FBN3: variants seen among roughly 807,000 people sequenced by gnomAD.
FBN3 encodes fibrillin-3.
FBN3 carries 234 observed loss-of-function variants against 330.1 expected under a neutral mutation model. The ratio of observed to expected loss-of-function variants is 0.71; its 90% confidence interval spans 0.64 to 0.79. The LOEUF (loss-of-function observed/expected upper bound fraction) is 0.79. FBN3 is among the 30% of genes least tolerant of loss of function. The pLI, the probability that FBN3 is intolerant of heterozygous loss-of-function variation, is 0.00. For synonymous variants in FBN3, 1,458 were observed against 1,517.3 expected (o/e 0.96, Z 0.91); for missense variants, 3,606 against 3,886.9 (o/e 0.93, Z 1.92).
chr19:8,090,371 C>A, intron 48 of FBN3, 120 bp from the exon 49 acceptor site: 1 of 1,083,338 alleles, frequency 9.2e-7, no homozygotes, highest in South Asian at 1.5e-5. Context: ...AGTGGCCAAT[C>A]AGAACATGCC....
At chr19:8,095,821 C>T (rs1191124548) in intron 45 of FBN3, 143 bp downstream of exon 45, 3 of 599,560 alleles carry the variant, frequency 5.0e-6, no homozygotes, top group African/African-American at 3.7e-5. Context: ...TTTATTTGAC[C>T]TATGGATTAT....
At chr19:8,147,255 G>C (rs1198837676) in intron 2 of FBN3, 59 bp downstream of exon 2, 15 of 1,562,002 alleles carry the variant, frequency 9.6e-6, no homozygotes, top group Non-Finnish European at 1.1e-5. Flanking sequence ...TATTCCGCTG[G>C]CCCCAGGACA....
chr19:8,103,574 T>G lies in FBN3; in HGVS notation c.4927A>C (p.Asn1643His), dbSNP rs1351199395. Residue 1643 changes from asparagine to histidine, a missense_variant, in exon 39 of 64, where the codon AAC (asparagine) becomes CAC (histidine). By Grantham distance (68) the Asn-to-His change is moderately conservative (BLOSUM62 1). Transcript: ENST00000600128. ...PAEYLQVNGG[N>H]NCMDMRKSVC... ...TCACGCTTCTTACCCATGCAGTTGT[T>G]GCCACCATTGACTTGGAGGTACTCT... The G allele has an allele frequency of 2.5e-6, 4 of 1,613,400 alleles. No individual in the cohort carries two copies. Among genetic ancestry groups the G allele is most frequent in the Non-Finnish European group, 2.5e-6 (3 of 1,179,666 alleles).
rs144400071 is a variant in FBN3, at chr19:8,087,133, G to A, written c.6698C>T (p.Ala2233Val). 238 of 1,610,982 alleles carry A rather than the reference G, an allele frequency of 1.5e-4. No individual in the cohort carries two copies. The highest frequency in any genetic ancestry group is 1.6e-4 in the Non-Finnish European group (190 of 1,179,548). Reference protein sequence around the residue: ...MECKNLIGTFACVCPPGMRPL... With the variant: ...MECKNLIGTFVCVCPPGMRPL... Reference sequence around the variant, plus strand: ...CCGCATGCCTGGGGGACAGACGCACGCGAAGGTACCGATGAGGTTCTTGCA... The same window carrying A: ...CCGCATGCCTGGGGGACAGACGCACACGAAGGTACCGATGAGGTTCTTGCA... Residue 2233 changes from alanine (A) to valine (V), a missense_variant, in exon 54 of 64, where the codon GCG (alanine) becomes GTG (valine). Physicochemically the swap from Ala to Val is moderately conservative, Grantham distance 64. Coordinates refer to ENST00000600128, the MANE Select transcript of FBN3 (RefSeq NM_032447.5).
In FBN3 at chr19:8,096,778, T is replaced by A; in HGVS notation, c.5413+103A>T. The A allele has an allele frequency of 7.9e-7, 1 of 1,268,732 alleles. No homozygotes were observed. 78.6% of individuals were successfully genotyped at this position (1,268,732 alleles called of 1,614,324 possible). Reference sequence around the variant, plus strand: ...CTCAATACATCCCCCACCCCCCTAATAGTATAGAAAAGGAGAAAGACCTGG... The same window carrying A: ...CTCAATACATCCCCCACCCCCCTAAAAGTATAGAAAAGGAGAAAGACCTGG... On this transcript the variant is annotated intron_variant, in intron 43 of 63. Transcript: ENST00000600128. This position sits in a 1 kb window ranked among gnomAD's most constrained non-coding sequence, Gnocchi z 4.6.
Position 8,129,047 on chromosome 19 carries a change from C to T in FBN3, c.2277G>A (p.Gln759=). 1 of 1,613,356 alleles carries T rather than the reference C, an allele frequency of 6.2e-7. No homozygotes were observed. Among genetic ancestry groups the T allele is most frequent in the Admixed American group, 1.7e-5 (1 of 59,934 alleles). ...CAGTACCTTTGCAGATCTCCGTGTCCTGCCAGAAGTGGAAGCCGGGGGGGC... is the reference window on the plus strand; with the variant it reads ...CAGTACCTTTGCAGATCTCCGTGTCTTGCCAGAAGTGGAAGCCGGGGGGGC... ...CSCPPGFHFW[Q]DTEICKDVDE... The change falls in exon 18 of 64, where the codon CAG becomes CAA. Residue 759 remains glutamine (Q), a synonymous_variant. Coordinates refer to ENST00000600128, the MANE Select transcript of FBN3 (RefSeq NM_032447.5). The surrounding 1 kb of genome is among the most constrained non-coding windows in gnomAD (Gnocchi z 4.5).
Position 8,146,184 on chromosome 19 carries a change from G to A in FBN3, c.292C>T (p.Pro98Ser), listed in dbSNP as rs1380681657. The A allele has an allele frequency of 1.9e-6, 3 of 1,602,590 alleles. No individual in the cohort carries two copies. The highest frequency in any genetic ancestry group is 3.5e-5 in the Admixed American group (2 of 57,932). ...RACGEGFCSQ[P>S]NLCTCADGTL... The stretch of plus-strand genomic sequence containing the variant: ...CCATCCGCACAGGTGCACAGGTTGG[G>A]CTGGGAGCAGAAGCCTTCACCGCAG... The change falls in exon 4 of 64, where the codon CCC (proline) becomes TCC (serine). Residue 98 changes from proline (P) to serine (S), a missense_variant. Physicochemically the swap from Pro to Ser is moderately conservative, Grantham distance 74. Transcript: ENST00000600128.
Position 8,078,791 on chromosome 19 carries a change from C to CTT in FBN3, c.7453+2210_7453+2211dup, listed in dbSNP as rs1555725584. On this transcript the variant is annotated intron_variant, in intron 59 of 63. Transcript: ENST00000600128. ...TTGTTCAAATGTTCTCTCTCTCTCT[C>CTT]TTTTTTTTTTTTTTGAGTCTTGCTC... Among the ~76,000 whole-genome samples, 200 of 141,344 alleles carry CTT rather than the reference C, an allele frequency of 1.4e-3. 1 individual carries two copies. Among genetic ancestry groups the CTT allele is most frequent in the African/African-American group, 4.9e-3 (188 of 38,066 alleles). 92.7% of individuals were successfully genotyped at this position (141,344 alleles called of 152,430 possible).
chr19:8,125,960 GT>G lies in FBN3; in HGVS notation c.2662del (p.Thr888LeufsTer13). 1 of 1,613,964 alleles carries G rather than the reference GT, an allele frequency of 6.2e-7. No individual in the cohort carries two copies. Among genetic ancestry groups the G allele is most frequent in the Non-Finnish European group, 8.5e-7 (1 of 1,180,012 alleles). On this transcript the variant is annotated frameshift_variant, in exon 22 of 64. Coordinates refer to ENST00000600128, the MANE Select transcript of FBN3 (RefSeq NM_032447.5). LOFTEE classifies it high-confidence loss of function. ...ACACTCACAGCGGAAAGACCCAGCA[GT>G]GTTGACGCAACGCCCGTTGGGACAG... ...GVCPNGRCVN[T>X]AGSFRCECPE...
At chr19:8,102,954 C>T in intron 39 of FBN3, 81 bp from the exon 40 acceptor site, 1 of 1,367,740 alleles carries the variant, frequency 7.3e-7, no homozygotes, top group Non-Finnish European at 1.0e-6. Context: ...ATAGGAACTC[C>T]TTAACTGATT....
chr19:8,137,306 T>G (rs1322023101), intron 10 of FBN3, among the ~76,000 whole-genome samples: 1 of 143,812 alleles, frequency 7.0e-6, no homozygotes, highest in Non-Finnish European at 1.5e-5. Flanking sequence ...GGGCCCTAGA[T>G]CCCTCCAACC....
Position 8,087,002 on chromosome 19 carries a change from G to A in FBN3, c.6754+75C>T, listed in dbSNP as rs556793887. On this transcript the variant is annotated intron_variant, in intron 54 of 63. Transcript: ENST00000600128. ...ATGACAGGTATGAGTCACCGTGCCC[G>A]GTCCAACCCTCTTGCTTTGACCTCT... is the stretch of plus-strand genomic sequence containing the variant. 672 of 1,525,534 alleles carry A rather than the reference G, an allele frequency of 4.4e-4. 10 individuals carry two copies. In the South Asian group the frequency reaches 5.7e-3, roughly 13 times the overall value. 94.5% of individuals were successfully genotyped at this position (1,525,534 alleles called of 1,614,324 possible).
At position 8,129,440 on chromosome 19, in the gene FBN3, C is replaced by G. The variant is rs758313157; in HGVS notation, c.2045-75G>C. 6.4e-7 allele frequency: 1 copy of G among 1,572,298 alleles called. No homozygotes were observed. The highest frequency in any genetic ancestry group is 1.3e-5 in the African/African-American group (1 of 74,454). Reference sequence around the variant, plus strand: ...GAGGCAGGAGGAGGGTGTGTCGCGGCGCACCAGGGGTCTCTAGAAGTCAGA... The same window carrying G: ...GAGGCAGGAGGAGGGTGTGTCGCGGGGCACCAGGGGTCTCTAGAAGTCAGA... On this transcript the variant is annotated intron_variant, in intron 16 of 63. Transcript: ENST00000600128. This position sits in a 1 kb window ranked among gnomAD's most constrained non-coding sequence, Gnocchi z 4.5.
intron 51 of FBN3, among the ~76,000 whole-genome samples, chr19:8,088,721 G>A (rs956852377): frequency 6.6e-6 from 1 of 152,186 alleles, no homozygotes; most frequent in Non-Finnish European, 1.5e-5. Flanking sequence ...GTGAAAGCAT[G>A]AATGAATGAG....
rs566350920 is a variant in FBN3 at position 8,108,295 on chromosome 19, A to G, written c.4619-57T>C. ...GGTATTGGGGCAAAGCTTAGGGGAA[A>G]CAGGGGAGCAACAGCAGGAAGCCTG... On this transcript the variant is annotated intron_variant, in intron 36 of 63. Coordinates refer to ENST00000600128, the MANE Select transcript of FBN3 (RefSeq NM_032447.5). 1.1e-5 allele frequency: 16 copies of G among 1,403,358 alleles called. No individual in the cohort carries two copies. The East Asian group carries it at 3.3e-4, about 29-fold the overall frequency. 86.9% of individuals were successfully genotyped at this position (1,403,358 alleles called of 1,614,324 possible). A position where few individuals can be genotyped will look rare whatever the true frequency, so the allele number is the denominator to read the frequency against.
intron 34 of FBN3, among the ~76,000 whole-genome samples, chr19:8,110,619 C>A (rs192209926): frequency 5.3e-5 from 8 of 152,318 alleles, no homozygotes; most frequent in Non-Finnish European, 4.4e-5. Context: ...GTAGGAGACC[C>A]TTTCAGCAGC....
In FBN3 at chr19:8,102,763, A is replaced by G. The variant is rs773282413; in HGVS notation, c.5050T>C (p.Trp1684Arg). ...GGGCAGGCCTCACAGGGTCTATTCC[A>G]GGCCTGGCCAATGTTGTAGGAGCAG... ...CCCSYNIGQA[W>R]NRPCEACPTP... is the part of the protein sequence containing the mutation. The change falls in exon 40 of 64, where the codon TGG (tryptophan) becomes CGG (arginine). Residue 1684 changes from tryptophan (W) to arginine (R), a missense_variant. Physicochemically the swap from Trp to Arg is moderately radical, Grantham distance 101. Coordinates refer to ENST00000600128, the MANE Select transcript of FBN3 (RefSeq NM_032447.5). 3.7e-6 allele frequency: 6 copies of G among 1,614,050 alleles called. No homozygotes were observed. The South Asian group carries it at 5.5e-5, about 15-fold the overall frequency.
chr19:8,133,661 C>G (rs1389641269), intron 13 of FBN3, among the ~76,000 whole-genome samples: 1 of 151,814 alleles, frequency 6.6e-6, no homozygotes, highest in Non-Finnish European at 1.5e-5. Flanking sequence ...ACCATGTTGG[C>G]CAGGCTAGTC....
Position 8,094,439 on chromosome 19 carries a change from C to T in FBN3, c.5905+7G>A, listed in dbSNP as rs2082166385. 1.2e-6 allele frequency: 2 copies of T among 1,608,282 alleles called. No individual in the cohort carries two copies. Among genetic ancestry groups the T allele is most frequent in the African/African-American group, 1.3e-5 (1 of 74,812 alleles). On this transcript the variant is annotated splice_region_variant and intron_variant, in intron 47 of 63. Coordinates refer to ENST00000600128, the MANE Select transcript of FBN3 (RefSeq NM_032447.5). ...CGCCAGAAACGGGAGTGGGGCTGGA[C>T]ACTCACCAATGCAGTGGTCACTCTG...
Sources: gnomAD v4.1 joint callset for allele counts (sites outside exome capture counted in the v4.1 genomes callset) on GRCh38, gnomAD v4.1.1 for gene constraint, Gnocchi (gnomAD v3.1) non-coding constraint, MANE v1.5 for transcripts, NCBI Gene and HGNC (gene_info 2026-07-23, HGNC 2026-07-21) for gene names.